MYRIP: variants seen among roughly 807,000 people sequenced by gnomAD.
The protein encoded by MYRIP is rab effector MyRIP.
MYRIP carries 49 observed loss-of-function variants against 98.0 expected under a neutral mutation model. That is an observed-to-expected ratio of 0.50 (90% CI 0.40 to 0.63). The LOEUF (loss-of-function observed/expected upper bound fraction) is 0.63, where lower values mean the gene tolerates loss of function less well. MYRIP is among the 30% of genes least tolerant of loss of function. The probability of loss-of-function intolerance (pLI) is 0.00; values close to 1 mark genes in which losing one functional copy is unlikely to be tolerated. For missense variants in MYRIP, 1,004 were observed against 1,058.2 expected (o/e 0.95, Z 0.71); for synonymous variants, 404 against 409.5 (o/e 0.99, Z 0.16).
upstream of MYRIP, chr3:39,809,011 G>A (rs1046029037): frequency 1.3e-5 from 2 of 152,242 alleles, no homozygotes; most frequent in African/African-American, 2.4e-5. Context: ...TTGAATGAAT[G>A]AGCGTCGTTA....
At chr3:39,836,060 G>A (rs1001240522) in intron 1 of MYRIP, among the ~76,000 whole-genome samples, 3 of 152,108 alleles carry the variant, frequency 2.0e-5, no homozygotes, top group Non-Finnish European at 4.4e-5. Flanking sequence ...ACATATGTGT[G>A]GATGTATCTT....
At chr3:40,062,608 G>A (rs75141807) in intron 3 of MYRIP, among the ~76,000 whole-genome samples, 12,636 of 152,130 alleles carry the variant, frequency 0.083, 597 homozygotes, top group East Asian at 0.22. Flanking sequence ...ATCAGATAAG[G>A]TTAACTCTGG....
Position 39,900,968 on chromosome 3 carries a change from T to C in MYRIP, c.110+42T>C, listed in dbSNP as rs376104016. 8.1e-6 allele frequency: 12 copies of C among 1,473,766 alleles called. No homozygotes were observed. The African/African-American group carries it at 1.2e-4, about 15-fold the overall frequency. 91.3% of individuals were successfully genotyped at this position (1,473,766 alleles called of 1,614,324 possible). A position where few individuals can be genotyped will look rare whatever the true frequency, so the allele number is the denominator to read the frequency against. ...GCTCAGCAGCGTACAGCAAACCACA[T>C]GTGGACAAGCGTAACAGGTTTCCTG... is the stretch of plus-strand genomic sequence containing the variant. On this transcript the variant is annotated intron_variant, in intron 2 of 16. Coordinates refer to ENST00000302541, the MANE Select transcript of MYRIP (RefSeq NM_015460.4).
At chr3:40,212,449 G>A (rs1409718241) in intron 11 of MYRIP, among the ~76,000 whole-genome samples, 9 of 151,898 alleles carry the variant, frequency 5.9e-5, no homozygotes, top group African/African-American at 2.2e-4. Flanking sequence ...AAAGTTTTGA[G>A]ATATATTTTA....
At chr3:40,179,193 A>G (rs746897510) in intron 8 of MYRIP, among the ~76,000 whole-genome samples, 15 of 152,158 alleles carry the variant, frequency 9.9e-5, no homozygotes, top group Non-Finnish European at 1.9e-4. Flanking sequence ...GCAGAACCAC[A>G]CCTGGGTCTC....
chr3:39,888,131 C>T (rs568816194), intron 1 of MYRIP, among the ~76,000 whole-genome samples: 26 of 152,102 alleles, frequency 1.7e-4, no homozygotes, highest in African/African-American at 5.1e-4. Context: ...TCAATGCCAT[C>T]CCCATCAAGC....
At chr3:40,060,077 A>C (rs1947975116) in intron 3 of MYRIP, among the ~76,000 whole-genome samples, 1 of 152,158 alleles carries the variant, frequency 6.6e-6, no homozygotes, top group Non-Finnish European at 1.5e-5. Context: ...GATATAGGAC[A>C]AAAGCAAGAG....
At chr3:39,997,717 C>T (rs576458476) in intron 2 of MYRIP, among the ~76,000 whole-genome samples, 7 of 152,212 alleles carry the variant, frequency 4.6e-5, no homozygotes, top group Admixed American at 3.9e-4. Context: ...CAAAGCCTGG[C>T]AGAGACACAA....
intron 1 of MYRIP, among the ~76,000 whole-genome samples, chr3:39,844,027 T>C (rs1200247506): frequency 6.6e-6 from 1 of 152,212 alleles, no homozygotes; most frequent in Non-Finnish European, 1.5e-5. Flanking sequence ...GATGTCATCT[T>C]GTCTACTTGA....
chr3:40,074,370 C>T (rs1238776444), intron 3 of MYRIP, among the ~76,000 whole-genome samples: 1 of 151,960 alleles, frequency 6.6e-6, no homozygotes, highest in Non-Finnish European at 1.5e-5. Flanking sequence ...GAAACTCCTA[C>T]CTATGCATTC....
chr3:39,809,957 T>C (rs1940611003), intron 1 of MYRIP, 41 bp downstream of exon 1: 1 of 152,392 alleles, frequency 6.6e-6, no homozygotes, highest in South Asian at 2.1e-4. Flanking sequence ...TCTGGCAGCT[T>C]TGCGCCACTC....
chr3:39,986,026 A>T (rs1946023233), intron 2 of MYRIP, among the ~76,000 whole-genome samples: 1 of 152,230 alleles, frequency 6.6e-6, no homozygotes, highest in Admixed American at 6.5e-5. Context: ...CAGGCCACCT[A>T]CAAAATGGGA....
chr3:40,186,025 G>A (rs916138785), intron 9 of MYRIP, among the ~76,000 whole-genome samples: 1 of 152,122 alleles, frequency 6.6e-6, no homozygotes, highest in Non-Finnish European at 1.5e-5. Context: ...CAGGATTGAG[G>A]GGTAGGGTAG....
intron 1 of MYRIP, among the ~76,000 whole-genome samples, chr3:39,895,347 C>G (rs990191442): frequency 6.6e-6 from 1 of 151,868 alleles, no homozygotes; most frequent in Non-Finnish European, 1.5e-5. Flanking sequence ...CCACCACGCT[C>G]GGCTAATTTT....
intron 2 of MYRIP, among the ~76,000 whole-genome samples, chr3:39,939,984 A>G (rs563879024): frequency 2.0e-5 from 3 of 152,232 alleles, no homozygotes; most frequent in South Asian, 2.1e-4. Flanking sequence ...TTATCTGTTT[A>G]TCCTAATTCT....
At chr3:39,816,083 T>TG (rs1940897342) in intron 1 of MYRIP, among the ~76,000 whole-genome samples, 2 of 151,636 alleles carry the variant, frequency 1.3e-5, no homozygotes, top group Non-Finnish European at 1.5e-5. Context: ...TTTTTCTTTT[T>TG]TTTTTTGTTT....
intron 9 of MYRIP, among the ~76,000 whole-genome samples, chr3:40,183,163 G>A (rs1046020504): frequency 2.0e-5 from 3 of 152,190 alleles, no homozygotes; most frequent in Non-Finnish European, 4.4e-5. Context: ...CTCCCAACCT[G>A]TGGACAGGAA....
At chr3:40,255,577 TCAAAGAAAG>T (rs1320356316) in intron 16 of MYRIP, among the ~76,000 whole-genome samples, 1 of 152,180 alleles carries the variant, frequency 6.6e-6, no homozygotes, top group Non-Finnish European at 1.5e-5. Context: ...ATAATTACTT[TCAAAGAAAG>T]GAGAATTCCA....
chr3:40,138,661 C>T (rs1351847121), intron 3 of MYRIP, among the ~76,000 whole-genome samples: 1 of 152,076 alleles, frequency 6.6e-6, no homozygotes, highest in Non-Finnish European at 1.5e-5. Flanking sequence ...TTTTTTCTGA[C>T]ATTAAGGTTT....
Sources: allele counts gnomAD v4.1 joint callset (sites outside exome capture counted in the v4.1 genomes callset), GRCh38; gene constraint gnomAD v4.1.1; transcripts MANE v1.5; gene names NCBI Gene and HGNC (gene_info 2026-07-23, HGNC 2026-07-21).